The following GPC5 variants were observed in gnomAD, a reference collection of about 807,000 sequenced individuals.
GPC5 encodes the protein glypican 5.
In GPC5, 47 loss-of-function variants were observed where a neutral mutation model predicts 53.9. That is an observed-to-expected ratio of 0.87 (90% confidence interval 0.69 to 1.11). The LOEUF is 1.11. GPC5 is among the 50% of genes most tolerant of loss of function. The pLI is 0.00. For synonymous variants in GPC5, 286 were observed against 263.3 expected (o/e 1.09, Z -0.84); for missense variants, 748 against 713.1 (o/e 1.05, Z -0.56).
rs549169298 is a variant in GPC5, at chr13:91,556,860, G to A, written c.325+107938G>A. 2.0e-5 allele frequency among the ~76,000 whole-genome samples: 3 copies of A among 151,872 alleles called. No individual in the cohort carries two copies. In the South Asian group the frequency reaches 6.2e-4, roughly 32 times the overall value. The stretch of plus-strand genomic sequence containing the variant: ...GGTGAGAGATAAAAAACCAAAAATT[G>A]GGTTCAGTATATACTGCTCGGGTGA... On this transcript the variant is annotated intron_variant, in intron 2 of 7. Transcript: ENST00000377067.
intron 7 of GPC5, among the ~76,000 whole-genome samples, chr13:92,553,652 C>A (rs1882396027): frequency 6.6e-6 from 1 of 151,954 alleles, no homozygotes; most frequent in Non-Finnish European, 1.5e-5. Flanking sequence ...ACAGCTAAAT[C>A]ACATGATCAA....
At chr13:92,333,832 G>A (rs2043304204) in intron 7 of GPC5, among the ~76,000 whole-genome samples, 1 of 152,020 alleles carries the variant, frequency 6.6e-6, no homozygotes, top group Non-Finnish European at 1.5e-5. Context: ...TTCAGACTGG[G>A]AATTTTAACA....
At chr13:92,038,673 TATAG>T (rs56923365) in intron 6 of GPC5, among the ~76,000 whole-genome samples, 26,305 of 147,732 alleles carry the variant, frequency 0.18, 2,471 homozygotes, top group Middle Eastern at 0.2. Flanking sequence ...TACAAATCTA[TATAG>T]ATAGATAGAT....
intron 2 of GPC5, among the ~76,000 whole-genome samples, chr13:91,591,305 G>T (rs1033415093): frequency 6.6e-6 from 1 of 152,154 alleles, no homozygotes; most frequent in African/African-American, 2.4e-5. Context: ...TGAGAGGTCT[G>T]CTGCTGGCCT....
intron 7 of GPC5, among the ~76,000 whole-genome samples, chr13:92,778,966 TACACAC>T (rs5805763): frequency 8.7e-5 from 13 of 149,414 alleles, no homozygotes; most frequent in Middle Eastern, 3.4e-3. Flanking sequence ...GTGCAAGATA[TACACAC>T]ACACACACAC....
intron 5 of GPC5, among the ~76,000 whole-genome samples, chr13:91,834,346 A>G (rs1594605432): frequency 6.6e-6 from 1 of 152,214 alleles, no homozygotes; most frequent in Admixed American, 6.5e-5. Flanking sequence ...ATTCAATGCT[A>G]TCCCCATCAA....
intron 7 of GPC5, among the ~76,000 whole-genome samples, chr13:92,696,939 A>G (rs2139242458): frequency 6.6e-6 from 1 of 152,270 alleles, no homozygotes; most frequent in Admixed American, 6.5e-5. Flanking sequence ...TCCCAACACC[A>G]TTTATTAAAT....
chr13:91,641,548 C>T (rs555801635), intron 2 of GPC5, among the ~76,000 whole-genome samples: 1 of 152,282 alleles, frequency 6.6e-6, no homozygotes, highest in South Asian at 2.1e-4. Context: ...ACAGATGCAG[C>T]AAATCACCAT....
intron 7 of GPC5, among the ~76,000 whole-genome samples, chr13:92,438,315 G>A (rs1382563867): frequency 2.0e-5 from 3 of 151,654 alleles, no homozygotes; most frequent in African/African-American, 4.8e-5. Context: ...CCTGGAGGTA[G>A]CATCAGCATT....
rs114048406 is a variant in GPC5 at position 92,802,309 on chromosome 13, C to T, written c.1562-63973C>T. Among the ~76,000 whole-genome samples the T allele has an allele frequency of 6.8e-3, 1,030 of 151,832 alleles. 12 individuals are homozygous for T. The highest frequency in any genetic ancestry group is 0.024 in the African/African-American group (984 of 41,476). On this transcript the variant is annotated intron_variant, in intron 7 of 7. Transcript: ENST00000377067. ...TAGGTTTGTGTAAGTATACTCATGACGTTCATACAACGATTAAATTGCCTA... is the reference window on the plus strand; with the variant it reads ...TAGGTTTGTGTAAGTATACTCATGATGTTCATACAACGATTAAATTGCCTA...
At chr13:92,344,393 T>A (rs1306717612) in intron 7 of GPC5, among the ~76,000 whole-genome samples, 1 of 152,032 alleles carries the variant, frequency 6.6e-6, no homozygotes, top group Non-Finnish European at 1.5e-5. Flanking sequence ...CAAGTCAAGA[T>A]GAGATTTGGG....
At chr13:92,307,491 C>CT (rs2043118519) in intron 7 of GPC5, among the ~76,000 whole-genome samples, 1 of 152,154 alleles carries the variant, frequency 6.6e-6, no homozygotes, top group Admixed American at 6.5e-5. Flanking sequence ...ATTTGTTCTC[C>CT]TGTAAAAATA....
At chr13:92,117,136 T>C (rs1230302639) in intron 6 of GPC5, among the ~76,000 whole-genome samples, 1 of 152,194 alleles carries the variant, frequency 6.6e-6, no homozygotes, top group East Asian at 1.9e-4. Flanking sequence ...TGTGTTTCTT[T>C]CTAAAAGTTT....
At chr13:92,807,797 C>G (rs989030630) in intron 7 of GPC5, among the ~76,000 whole-genome samples, 6 of 152,084 alleles carry the variant, frequency 3.9e-5, no homozygotes, top group Non-Finnish European at 7.4e-5. Context: ...GTGCGACTGA[C>G]ACGCTTTAAA....
intron 5 of GPC5, among the ~76,000 whole-genome samples, chr13:91,813,859 T>G (rs1224945379): frequency 1.3e-5 from 2 of 151,638 alleles, no homozygotes; most frequent in South Asian, 2.1e-4. Flanking sequence ...AAGTTAAATC[T>G]TGTTCATGTG....
At chr13:91,488,231 T>G (rs1170450762) in intron 2 of GPC5, among the ~76,000 whole-genome samples, 4 of 152,190 alleles carry the variant, frequency 2.6e-5, no homozygotes, top group African/African-American at 7.2e-5. Context: ...GTTCTGTATT[T>G]TAGGGGTAAG....
At chr13:92,158,101 A>G (rs2041958634) in intron 7 of GPC5, among the ~76,000 whole-genome samples, 1 of 152,200 alleles carries the variant, frequency 6.6e-6, no homozygotes, top group Non-Finnish European at 1.5e-5. Flanking sequence ...AGGACCAAAG[A>G]TAATCAGATG....
At chr13:92,453,000 T>A (rs1334896942) in intron 7 of GPC5, among the ~76,000 whole-genome samples, 1 of 152,216 alleles carries the variant, frequency 6.6e-6, no homozygotes, top group Non-Finnish European at 1.5e-5. Flanking sequence ...CTACTTCCTA[T>A]AACCCTATGC....
At chr13:92,693,971 T>A (rs1198511796) in intron 7 of GPC5, among the ~76,000 whole-genome samples, 1 of 152,202 alleles carries the variant, frequency 6.6e-6, no homozygotes, top group Non-Finnish European at 1.5e-5. Flanking sequence ...CTGTGCAGAC[T>A]CAGGACTTGG....
Sources: gnomAD v4.1 joint callset for allele counts (sites outside exome capture counted in the v4.1 genomes callset) on GRCh38, gnomAD v4.1.1 for gene constraint, MANE v1.5 for transcripts, NCBI Gene and HGNC (gene_info 2026-07-23, HGNC 2026-07-21) for gene names.